CFAP91: variants seen among roughly 807,000 people sequenced by gnomAD.
The protein encoded by CFAP91 is cilia- and flagella-associated protein 91.
CFAP91 carries 85 observed loss-of-function variants against 95.9 expected under a neutral mutation model. The observed-to-expected ratio is 0.89, with a 90% CI of 0.74 to 1.06. The LOEUF (loss-of-function observed/expected upper bound fraction) is 1.06. Among genes scored for constraint, CFAP91 ranks in the 50% least tolerant of loss-of-function variants. The pLI, the probability that CFAP91 is intolerant of heterozygous loss-of-function variation, is 0.00. For synonymous variants in CFAP91, 335 were observed against 327.5 expected, an observed-to-expected ratio of 1.02 and a Z score of -0.25; for missense variants, 962 against 943.4, an observed-to-expected ratio of 1.02 and a Z score of -0.26.
intron 6 of CFAP91, among the ~76,000 whole-genome samples, chr3:119,717,137 C>T (rs774623096): frequency 2.2e-4 from 33 of 152,192 alleles, no homozygotes; most frequent in Non-Finnish European, 4.4e-5. Context: ...GAACCAGGTC[C>T]AAGTCACCTG....
In CFAP91 at chr3:119,707,410, G is replaced by C. The variant is rs1283194238; in HGVS notation, c.208G>C (p.Val70Leu). 1 of 1,541,466 alleles carries C rather than the reference G, an allele frequency of 6.5e-7. No homozygotes were observed. Among genetic ancestry groups the C allele is most frequent in the African/African-American group, 1.4e-5 (1 of 73,658 alleles). ...CTCCCTTCTCTAACATTAGAGAAAA[G>C]TTCCCAGGTTTAAAACCATGTTCAG... ...ATLIRSRLRK[V>L]PRFKTMFSNL... is the part of the protein sequence containing the mutation. Residue 70 changes from valine (V) to leucine (L), a missense_variant, in exon 3 of 18, where the codon GTT (valine) becomes CTT (leucine). By Grantham distance (32) the Val-to-Leu change is conservative. Coordinates refer to ENST00000273390, the MANE Select transcript of CFAP91 (RefSeq NM_033364.4).
intron 2 of CFAP91, chr3:119,707,177 G>A: frequency 1.9e-6 from 1 of 528,422 alleles, no homozygotes; most frequent in Non-Finnish European, 3.4e-6. Flanking sequence ...CATATACAGT[G>A]TGAAGTAAAT....
At chr3:119,738,986 A>C (rs752623440) in intron 11 of CFAP91, among the ~76,000 whole-genome samples, 29 of 152,322 alleles carry the variant, frequency 1.9e-4, no homozygotes, top group Admixed American at 6.5e-4. Flanking sequence ...TAGGGAAATG[A>C]AAGTGGTTTC....
At chr3:119,759,735 C>T (rs1245001543) in intron 17 of CFAP91, among the ~76,000 whole-genome samples, 5 of 151,830 alleles carry the variant, frequency 3.3e-5, no homozygotes, top group African/African-American at 9.7e-5. Flanking sequence ...TGAAAACACA[C>T]GTGTTGAGGA....
intron 10 of CFAP91, among the ~76,000 whole-genome samples, chr3:119,734,225 A>G (rs2053957802): frequency 6.6e-6 from 1 of 152,156 alleles, no homozygotes; most frequent in Non-Finnish European, 1.5e-5. Flanking sequence ...ACTGTTTTAT[A>G]ATACACTCTC....
At chr3:119,726,116 G>T (rs2053777490) in intron 6 of CFAP91, 55 bp from the exon 7 acceptor site, 2 of 1,452,924 alleles carry the variant, frequency 1.4e-6, no homozygotes, top group Non-Finnish European at 1.9e-6. Flanking sequence ...ATTATATACT[G>T]GGGGGTGCAT....
intron 17 of CFAP91, among the ~76,000 whole-genome samples, chr3:119,753,966 T>C (rs906911228): frequency 2.6e-5 from 4 of 152,244 alleles, no homozygotes; most frequent in African/African-American, 9.6e-5. Flanking sequence ...CCATCTAGTC[T>C]ATGGTGTTTG....
rs375664462 is a variant in CFAP91 at position 119,733,613 on chromosome 3, A to G, written c.1344+107A>G. ...TCCAGTGGGTCAAACATAGACCTAC[A>G]TTCTCTGCTCTGCACTTTTCTGAGG... On this transcript the variant is annotated intron_variant, in intron 10 of 17. Coordinates refer to ENST00000273390, the MANE Select transcript of CFAP91 (RefSeq NM_033364.4). 11 of 1,145,976 alleles carry G rather than the reference A, an allele frequency of 9.6e-6. No individual in the cohort carries two copies. In the African/African-American group the frequency reaches 1.1e-4, roughly 11 times the overall value. 71.0% of individuals were successfully genotyped at this position (1,145,976 alleles called of 1,614,324 possible).
intron 5 of CFAP91, among the ~76,000 whole-genome samples, chr3:119,712,921 C>T (rs1488944226): frequency 2.0e-5 from 3 of 150,150 alleles, no homozygotes; most frequent in African/African-American, 2.5e-5. Context: ...CGCCACTGTC[C>T]TCAAGCCTGG....
chr3:119,731,673 C>T (rs1343929366), intron 8 of CFAP91, among the ~76,000 whole-genome samples: 2 of 152,140 alleles, frequency 1.3e-5, no homozygotes, highest in Non-Finnish European at 2.9e-5. Context: ...AGATTTTTAC[C>T]CCCATTGAAA....
intron 7 of CFAP91, among the ~76,000 whole-genome samples, chr3:119,728,729 C>T (rs906813296): frequency 1.3e-5 from 2 of 152,320 alleles, no homozygotes; most frequent in African/African-American, 2.4e-5. Flanking sequence ...GAACATTCAG[C>T]TTCCCCTGCT....
intron 5 of CFAP91, among the ~76,000 whole-genome samples, chr3:119,713,608 T>C (rs1297589569): frequency 1.3e-5 from 2 of 152,000 alleles, no homozygotes; most frequent in Non-Finnish European, 2.9e-5. Context: ...GCTATATTGG[T>C]TTTTTTCTTA....
At chr3:119,764,635 A>G (rs2054597514) in intron 17 of CFAP91, among the ~76,000 whole-genome samples, 1 of 152,180 alleles carries the variant, frequency 6.6e-6, no homozygotes. Flanking sequence ...ATATATATAT[A>G]TACATTATGC....
intron 5 of CFAP91, among the ~76,000 whole-genome samples, chr3:119,714,606 T>C (rs1363036588): frequency 1.3e-5 from 2 of 152,242 alleles, no homozygotes; most frequent in Admixed American, 6.5e-5. Flanking sequence ...TCTTCTCATA[T>C]GTTTGTTAGA....
At position 119,730,325 on chromosome 3, in the gene CFAP91, G is replaced by T. The variant is rs1164258011; in HGVS notation, c.966G>T (p.Leu322=). ...MKHLNARWSK[L]QEGKEAKMAK... is the part of the protein sequence containing the mutation. ...ACTTGAATGCCCGGTGGTCTAAACTGCAGGAGGGAAAAGAGGCAAAAATGG... is the reference window on the plus strand; with the variant it reads ...ACTTGAATGCCCGGTGGTCTAAACTTCAGGAGGGAAAAGAGGCAAAAATGG... Residue 322 remains leucine, a synonymous_variant, in exon 8 of 18, where the codon CTG becomes CTT. Coordinates refer to ENST00000273390, the MANE Select transcript of CFAP91 (RefSeq NM_033364.4). 1.9e-6 allele frequency: 3 copies of T among 1,614,102 alleles called. No individual in the cohort carries two copies. In the South Asian group the frequency reaches 3.3e-5, roughly 18 times the overall value.
chr3:119,711,065 G>C (rs1173736017), intron 5 of CFAP91, among the ~76,000 whole-genome samples: 2 of 152,106 alleles, frequency 1.3e-5, no homozygotes, highest in African/African-American at 4.8e-5. Flanking sequence ...TTCAGGACTA[G>C]GTTTTCAAGG....
chr3:119,716,613 G>A (rs1031594330), intron 6 of CFAP91, among the ~76,000 whole-genome samples: 2 of 152,092 alleles, frequency 1.3e-5, no homozygotes, highest in African/African-American at 4.8e-5. Context: ...TTGAGACGGA[G>A]TCTTACTCTG....
intron 7 of CFAP91, 85 bp from the exon 8 acceptor site, chr3:119,730,135 G>C: frequency 3.6e-6 from 5 of 1,380,324 alleles, no homozygotes. Flanking sequence ...GCAGCCCACA[G>C]AGAAGAGCCT....
intron 6 of CFAP91, among the ~76,000 whole-genome samples, chr3:119,716,268 G>A (rs1177852436): frequency 6.6e-6 from 1 of 152,150 alleles, no homozygotes; most frequent in Non-Finnish European, 1.5e-5. Context: ...ATAAAATCTG[G>A]CCTAGGCCTA....
Sources: gnomAD v4.1 joint callset for allele counts (sites outside exome capture counted in the v4.1 genomes callset) on GRCh38, gnomAD v4.1.1 for gene constraint, MANE v1.5 for transcripts, NCBI Gene and HGNC (gene_info 2026-07-23, HGNC 2026-07-21) for gene names.